Variants in TCERG1L observed in about 807,000 individuals in gnomAD.
TCERG1L encodes transcription elongation regulator 1 like, also known as transcription elongation regulator 1-like protein.
A neutral mutation model predicts 56.3 loss-of-function variants in TCERG1L; 37 were observed. The ratio of observed to expected loss-of-function variants is 0.66; its 90% confidence interval spans 0.51 to 0.87. The LOEUF (loss-of-function observed/expected upper bound fraction) is 0.87. Among genes scored for constraint, TCERG1L ranks in the 40% least tolerant of loss-of-function variants. The pLI, the probability that TCERG1L is intolerant of heterozygous loss-of-function variation, is 0.00. For synonymous variants in TCERG1L, 324 were observed against 326.3 expected, an observed-to-expected ratio of 0.99 and a Z score of 0.08; for missense variants, 799 against 774.2, an observed-to-expected ratio of 1.03 and a Z score of -0.38.
At position 131,118,685 on chromosome 10, in the gene TCERG1L, A is replaced by G. The variant is rs749399231; in HGVS notation, c.1260-1751T>C. Among the ~76,000 whole-genome samples, 31 of 152,004 alleles carry G rather than the reference A, an allele frequency of 2.0e-4. No individual in the cohort carries two copies. The highest frequency in any genetic ancestry group is 6.8e-4 in the African/African-American group (28 of 41,470). On this transcript the variant is annotated intron_variant, in intron 8 of 11. Coordinates refer to ENST00000368642, the MANE Select transcript of TCERG1L (RefSeq NM_174937.4). The surrounding 1 kb of genome is among the most constrained non-coding windows in gnomAD (Gnocchi z 4.2). ...GTAATTTTCCATCCACTGACCCCCA[A>G]CCCTGACCGTGGCTATCAAATCCTG...
intron 6 of TCERG1L, among the ~76,000 whole-genome samples, chr10:131,159,182 A>G (rs1407943749): frequency 6.6e-6 from 1 of 152,204 alleles, no homozygotes; most frequent in Non-Finnish European, 1.5e-5. Context: ...CCTTTCTGTC[A>G]GCTCAGGGCA....
intron 5 of TCERG1L, chr10:131,164,232 G>A (rs1409734161): frequency 6.6e-6 from 1 of 151,740 alleles, no homozygotes; most frequent in African/African-American, 2.4e-5. Flanking sequence ...AATAAGCTAT[G>A]GTTAGGACAC....
rs1390700723 is a variant in TCERG1L at position 131,285,562 on chromosome 10, G to A, written c.670+22649C>T. Among the ~76,000 whole-genome samples, 63 of 138,788 alleles carry A rather than the reference G, an allele frequency of 4.5e-4. 5 individuals carry two copies. In the East Asian group the frequency reaches 0.011, roughly 24 times the overall value. The allele number at this position is 138,788 out of a possible 152,430, so 91.1% of individuals were successfully genotyped here. On this transcript the variant is annotated intron_variant, in intron 3 of 11. Transcript: ENST00000368642. ...GAAAAGAAAGAAAGGAAGGAAGAAA[G>A]AAAAAGAAAGAAAGAAAGAAAAAAA...
At chr10:131,159,078 C>T (rs537402350) in intron 6 of TCERG1L, among the ~76,000 whole-genome samples, 5 of 152,328 alleles carry the variant, frequency 3.3e-5, no homozygotes, top group Non-Finnish European at 7.3e-5. Context: ...CACTTGGCCA[C>T]GATGACCTTC....
intron 7 of TCERG1L, among the ~76,000 whole-genome samples, chr10:131,140,867 T>A (rs1845729966): frequency 1.3e-5 from 2 of 152,290 alleles, no homozygotes; most frequent in South Asian, 2.1e-4. Flanking sequence ...AGGTGCCGCC[T>A]GCACTGGAGG....
intron 6 of TCERG1L, among the ~76,000 whole-genome samples, chr10:131,149,809 G>A (rs564489757): frequency 1.4e-4 from 21 of 152,304 alleles, no homozygotes; most frequent in African/African-American, 5.1e-4. Context: ...GATGCCAGCG[G>A]GGGTGCAGGG....
chr10:131,166,254 A>G (rs1166765870), intron 5 of TCERG1L, among the ~76,000 whole-genome samples: 1 of 152,236 alleles, frequency 6.6e-6, no homozygotes, highest in African/African-American at 2.4e-5. Context: ...CAGCGTCTTC[A>G]GTGTATTTGA....
At chr10:131,179,206 G>A (rs1013130196) in intron 4 of TCERG1L, among the ~76,000 whole-genome samples, 1 of 152,250 alleles carries the variant, frequency 6.6e-6, no homozygotes, top group Non-Finnish European at 1.5e-5. Context: ...GCCGGCTGAG[G>A]CAGAGCAGCG....
intron 3 of TCERG1L, among the ~76,000 whole-genome samples, chr10:131,299,136 G>A (rs1342202263): frequency 6.6e-6 from 1 of 152,028 alleles, no homozygotes; most frequent in East Asian, 1.9e-4. Context: ...TATTAATACA[G>A]TCACTTCAGC....
At chr10:131,291,397 A>AT (rs1564835283) in intron 3 of TCERG1L, among the ~76,000 whole-genome samples, 5 of 60,174 alleles carry the variant, frequency 8.3e-5, no homozygotes, top group Admixed American at 2.3e-4. Flanking sequence ...CATAAACAGC[A>AT]TTTCTTTTTT....
intron 4 of TCERG1L, among the ~76,000 whole-genome samples, chr10:131,237,795 T>C (rs754575): frequency 0.34 from 51,272 of 152,008 alleles, 9,355 homozygotes; most frequent in African/African-American, 0.49. Flanking sequence ...TATTTCCCTG[T>C]AGGCAGCGAG....
At chr10:131,246,574 G>A (rs191592214) in intron 4 of TCERG1L, among the ~76,000 whole-genome samples, 2 of 152,008 alleles carry the variant, frequency 1.3e-5, no homozygotes, top group Non-Finnish European at 2.9e-5. Flanking sequence ...ACAAGTTAGG[G>A]GCTTGTGAAT....
intron 4 of TCERG1L, among the ~76,000 whole-genome samples, chr10:131,189,298 C>T (rs1410077158): frequency 3.3e-5 from 5 of 152,110 alleles, no homozygotes; most frequent in Non-Finnish European, 7.3e-5. Context: ...ACACAGTGTG[C>T]CCATTACATA....
Position 131,309,199 on chromosome 10 carries a change from G to T in TCERG1L, c.443C>A (p.Thr148Asn). 6.2e-7 allele frequency: 1 copy of T among 1,611,060 alleles called. No homozygotes were observed. The highest frequency in any genetic ancestry group is 8.5e-7 in the Non-Finnish European group (1 of 1,178,912). Reference sequence around the variant, plus strand: ...GTCTATCCAACTTTTCCCAATAGGGGTTGCAAGAGCAGAAGGGCAGAGATG... The same window carrying T: ...GTCTATCCAACTTTTCCCAATAGGGTTTGCAAGAGCAGAAGGGCAGAGATG... The part of the protein sequence containing the change: ...FPHLCPSALA[T>N]PIGKSWIDKR... The change falls in exon 2 of 12, where the codon ACC becomes AAC. Residue 148 changes from threonine (T) to asparagine (N), a missense_variant. By Grantham distance (65) the Thr-to-Asn change is moderately conservative. Transcript: ENST00000368642.
chr10:131,144,052 C>A (rs537656133), intron 7 of TCERG1L, among the ~76,000 whole-genome samples: 1 of 151,558 alleles, frequency 6.6e-6, no homozygotes, highest in South Asian at 2.2e-4. Flanking sequence ...CCTATCCCCA[C>A]TGAAGACACA....
At chr10:131,258,710 A>AT (rs1846201764) in intron 4 of TCERG1L, among the ~76,000 whole-genome samples, 1 of 152,232 alleles carries the variant, frequency 6.6e-6, no homozygotes, top group African/African-American at 2.4e-5. Context: ...TACAGGACAG[A>AT]TAACGTTGGT....
chr10:131,245,634 G>A (rs1490229371), intron 4 of TCERG1L, among the ~76,000 whole-genome samples: 1 of 152,212 alleles, frequency 6.6e-6, no homozygotes, highest in African/African-American at 2.4e-5. Context: ...GCCACATGTG[G>A]CTCTCTGGTA....
At chr10:131,243,373 G>A (rs1339196556) in intron 4 of TCERG1L, among the ~76,000 whole-genome samples, 1 of 152,168 alleles carries the variant, frequency 6.6e-6, no homozygotes. Flanking sequence ...CTTGAGGTCA[G>A]GAGTTGGAGA....
At chr10:131,116,730 G>A in intron 9 of TCERG1L, 69 bp downstream of exon 9, 1 of 1,535,644 alleles carries the variant, frequency 6.5e-7, no homozygotes, top group South Asian at 1.2e-5. Flanking sequence ...CTCAGGCAGG[G>A]ACGGCCACTC....
Sources: allele counts gnomAD v4.1 joint callset (sites outside exome capture counted in the v4.1 genomes callset), GRCh38; gene constraint gnomAD v4.1.1; non-coding constraint Gnocchi (gnomAD v3.1); transcripts MANE v1.5; gene names NCBI Gene and HGNC (gene_info 2026-07-23, HGNC 2026-07-21).